CTSE: variants seen among roughly 807,000 people sequenced by gnomAD.
CTSE encodes erythrocyte membrane aspartic proteinase.
CTSE carries 43 observed loss-of-function variants against 42.8 expected under a neutral mutation model. The observed-to-expected ratio is 1.01, with a 90% CI of 0.79 to 1.30. The LOEUF (loss-of-function observed/expected upper bound fraction) is 1.30. CTSE is among the 50% of genes most tolerant of loss of function. The pLI is 0.00. For synonymous variants in CTSE, 205 were observed against 191.5 expected (o/e 1.07, Z -0.58); for missense variants, 532 against 493.5 (o/e 1.08, Z -0.74).
At chr1:206,020,146 A>C (rs890719943) in intron 4 of CTSE, among the ~76,000 whole-genome samples, 3 of 147,648 alleles carry the variant, frequency 2.0e-5, no homozygotes, top group Non-Finnish European at 4.5e-5. Flanking sequence ...ATACAAATAT[A>C]CTGTATATTA....
rs781857670 is a variant in CTSE at position 206,012,325 on chromosome 1, T to A, written c.1009A>T (p.Thr337Ser). The A allele has an allele frequency of 6.2e-7, 1 of 1,613,688 alleles. No individual in the cohort carries two copies. The highest frequency in any genetic ancestry group is 8.5e-7 in the Non-Finnish European group (1 of 1,179,654). Residue 337 changes from threonine (T) to serine (S), a missense_variant, in exon 8 of 9, where the codon ACT (threonine) becomes TCT (serine). Physicochemically the swap from Thr to Ser is moderately conservative, Grantham distance 58. Coordinates refer to ENST00000358184, the MANE Select transcript of CTSE (RefSeq NM_001910.4). ...INGVPYTLSP[T>S]AYTLLDFVDG... Reference sequence around the variant, plus strand: ...GTTCTTACCAGTAGGGTGTAGGCAGTTGGGCTGAGGGTATAGGGGACTCCG... The same window carrying A: ...GTTCTTACCAGTAGGGTGTAGGCAGATGGGCTGAGGGTATAGGGGACTCCG...
chr1:206,009,798 GTGT>G lies in CTSE; in HGVS notation c.*382_*384del. ...GCAGTGTAGATAAACAGGCCTGGCC[GTGT>G]GTGGATGGGTTGTCAGGGCTGAGTG... On this transcript the variant is annotated 3_prime_UTR_variant, in exon 9 of 9. Coordinates refer to ENST00000358184, the MANE Select transcript of CTSE (RefSeq NM_001910.4). 1.2e-5 allele frequency: 3 copies of G among 241,256 alleles called. No individual in the cohort carries two copies. Among genetic ancestry groups the G allele is most frequent in the East Asian group, 1.1e-4 (1 of 9,238 alleles). The allele number at this position is 241,256 out of a possible 1,614,324, so 14.9% of individuals were successfully genotyped here.
intron 4 of CTSE, among the ~76,000 whole-genome samples, chr1:206,019,361 C>A (rs138681903): frequency 6.6e-6 from 1 of 151,884 alleles, no homozygotes. Flanking sequence ...GGACTGGAAC[C>A]CACATTGTTC....
At chr1:206,013,981 T>C in intron 5 of CTSE, 87 bp from the exon 6 acceptor site, 1 of 1,454,272 alleles carries the variant, frequency 6.9e-7, no homozygotes, top group Non-Finnish European at 9.5e-7. Context: ...TGCTTCTTGG[T>C]CTCATGCCAA....
chr1:206,020,443 A>G (rs1363319627), intron 4 of CTSE, among the ~76,000 whole-genome samples: 1 of 152,018 alleles, frequency 6.6e-6, no homozygotes, highest in Non-Finnish European at 1.5e-5. Context: ...AGGCCCAGGC[A>G]TATATTGCTG....
intron 4 of CTSE, among the ~76,000 whole-genome samples, chr1:206,020,181 A>ATATTATATATTATATATGTAATG (rs1416914511): frequency 1.3e-5 from 2 of 148,244 alleles, no homozygotes; most frequent in Non-Finnish European, 3.0e-5. Flanking sequence ...TGGATATTAT[A>ATATTATATATTATATATGTAATG]TATTATATAT....
At chr1:206,021,343 C>T in intron 3 of CTSE, 176 bp from the exon 4 acceptor site, 2 of 608,684 alleles carry the variant, frequency 3.3e-6, no homozygotes, top group Non-Finnish European at 2.9e-6. Flanking sequence ...TTCCCTCTAG[C>T]TACAGATGTG....
Position 206,021,065 on chromosome 1 carries a change from C to G in CTSE, c.446G>C (p.Gly149Ala), listed in dbSNP as rs1420472788. Residue 149 changes from glycine to alanine, a missense_variant, in exon 4 of 9, where the codon GGA becomes GCA. Physicochemically the swap from Gly to Ala is moderately conservative, Grantham distance 60. Transcript: ENST00000358184. ...YGTGSLSGII[G>A]ADQVSVEGLT... is the part of the protein sequence containing the mutation. ...TGCACTCACAGAGACTTGGTCGGCTCCAATGATCCCGGACAAGCTCCCGGT... is the reference window on the plus strand; with the variant it reads ...TGCACTCACAGAGACTTGGTCGGCTGCAATGATCCCGGACAAGCTCCCGGT... The G allele has an allele frequency of 6.2e-7, 1 of 1,611,316 alleles. No individual in the cohort carries two copies. The highest frequency in any genetic ancestry group is 8.5e-7 in the Non-Finnish European group (1 of 1,177,594).
chr1:206,016,213 G>GA, intron 4 of CTSE, 83 bp from the exon 5 acceptor site: 2 of 1,303,870 alleles, frequency 1.5e-6, no homozygotes, highest in South Asian at 2.5e-5. Context: ...ATTTTCCTCT[G>GA]TCTTGAAGCT....
rs782358758 is a variant in CTSE, at chr1:206,015,965, C to G, written c.628G>C (p.Val210Leu). The change falls in exon 5 of 9, where the codon GTG (valine) becomes CTG (leucine). Residue 210 changes from valine (V) to leucine (L), a missense_variant. By Grantham distance (32) the Val-to-Leu change is conservative. Transcript: ENST00000358184. ...TAGACAGAAAACATCGGCAAGTCCA[C>G]CAGGTTCTGAGCCATCATGTTGTCA... ...VFDNMMAQNL[V>L]DLPMFSVYMS... is the part of the protein sequence containing the mutation. The G allele has an allele frequency of 1.2e-6, 2 of 1,613,890 alleles. No individual in the cohort carries two copies. The highest frequency in any genetic ancestry group is 1.7e-6 in the Non-Finnish European group (2 of 1,179,900).
chr1:206,014,487 C>G (rs1661209100), intron 5 of CTSE, among the ~76,000 whole-genome samples: 1 of 151,980 alleles, frequency 6.6e-6, no homozygotes, highest in Admixed American at 6.5e-5. Context: ...AGATACAAAA[C>G]TGAAATCAGG....
chr1:206,022,212 A>G lies in CTSE; in HGVS notation c.281T>C (p.Ile94Thr). ...GAGGTTGGAGGAGCCAGTGTCGAAGATGACAGTGAAGTTCTGTGGTGGGGA... is the reference window on the plus strand; with the variant it reads ...GAGGTTGGAGGAGCCAGTGTCGAAGGTGACAGTGAAGTTCTGTGGTGGGGA... ...IGSPPQNFTV[I>T]FDTGSSNLWV... is the part of the protein sequence containing the mutation. Residue 94 changes from isoleucine to threonine, a missense_variant, in exon 3 of 9, where the codon ATC (isoleucine) becomes ACC (threonine). Ile to Thr is a moderately conservative substitution (Grantham distance 89). Coordinates refer to ENST00000358184, the MANE Select transcript of CTSE (RefSeq NM_001910.4). 3 of 1,613,348 alleles carry G rather than the reference A, an allele frequency of 1.9e-6. No homozygotes were observed. Among genetic ancestry groups the G allele is most frequent in the Non-Finnish European group, 2.5e-6 (3 of 1,179,502 alleles).
At position 206,023,073 on chromosome 1, in the gene CTSE, C is replaced by T. The variant is rs376628919; in HGVS notation, c.69-16G>A. The T allele has an allele frequency of 1.8e-4, 286 of 1,577,896 alleles. 1 individual carries two copies. The highest frequency in any genetic ancestry group is 2.3e-4 in the Non-Finnish European group (270 of 1,156,964). On this transcript the variant is annotated splice_polypyrimidine_tract_variant and intron_variant, in intron 1 of 8. Coordinates refer to ENST00000358184, the MANE Select transcript of CTSE (RefSeq NM_001910.4). ...GAGGGGCACCCTGGAGACAAACCCC[C>T]ATGTAAGCAGGAGATGTACTTCTGC...
At position 206,009,877 on chromosome 1, in the gene CTSE, G is replaced by A; in HGVS notation, c.*306C>T. Reference sequence around the variant, plus strand: ...ATGATCTCTGCTTGTGCATATGTTTGGAGATTTTCATAATCAAATGTGAAA... The same window carrying A: ...ATGATCTCTGCTTGTGCATATGTTTAGAGATTTTCATAATCAAATGTGAAA... On this transcript the variant is annotated 3_prime_UTR_variant, in exon 9 of 9. Transcript: ENST00000358184. 1 of 384,404 alleles carries A rather than the reference G, an allele frequency of 2.6e-6. No individual in the cohort carries two copies. Among genetic ancestry groups the A allele is most frequent in the South Asian group, 2.6e-5 (1 of 37,990 alleles). The allele number at this position is 384,404 out of a possible 1,614,324, so 23.8% of individuals were successfully genotyped here.
rs1553277709 is a variant in CTSE, at chr1:206,016,149, CAGG to C, written c.463-22_463-20del. The C allele has an allele frequency of 1.2e-6, 2 of 1,607,108 alleles. No individual in the cohort carries two copies. The highest frequency in any genetic ancestry group is 1.3e-5 in the African/African-American group (1 of 74,836). ...CTTCCACCTGGTAGGAGAAAGCCCA[CAGG>C]AGAACAGGAGAATGGCACAGGGGAT... On this transcript the variant is annotated intron_variant, in intron 4 of 8. Coordinates refer to ENST00000358184, the MANE Select transcript of CTSE (RefSeq NM_001910.4).
At position 206,023,049 on chromosome 1, in the gene CTSE, A is replaced by AG; in HGVS notation, c.76dup (p.Leu26ProfsTer19). 3 of 1,600,526 alleles carry AG rather than the reference A, an allele frequency of 1.9e-6. No individual in the cohort carries two copies. The highest frequency in any genetic ancestry group is 2.2e-5 in the South Asian group (2 of 90,846). ...CTTCTTGAGGGACGGATGCCTCCTG[A>AG]GGGGCACCCTGGAGACAAACCCCCA... On this transcript the variant is annotated frameshift_variant, in exon 2 of 9. Coordinates refer to ENST00000358184, the MANE Select transcript of CTSE (RefSeq NM_001910.4). LOFTEE classifies it high-confidence loss of function.
In CTSE at chr1:206,022,261, A is replaced by C. The variant is rs1397724163; in HGVS notation, c.232T>G (p.Tyr78Asp). ...GAGCCAATGGAGATAGTGCCGAAGT[A>C]TTCCATCTGCAAGGAAGAGTGAGAA... is the stretch of plus-strand genomic sequence containing the variant. The part of the protein sequence containing the change: ...EPLINYLDME[Y>D]FGTISIGSPP... Residue 78 changes from tyrosine (Y) to aspartate (D), a missense_variant, in exon 3 of 9, where the codon TAC becomes GAC. Tyr to Asp is a radical substitution (Grantham distance 160, BLOSUM62 -3). Coordinates refer to ENST00000358184, the MANE Select transcript of CTSE (RefSeq NM_001910.4). 5 of 1,605,598 alleles carry C rather than the reference A, an allele frequency of 3.1e-6. No homozygotes were observed. Among genetic ancestry groups the C allele is most frequent in the Non-Finnish European group, 4.3e-6 (5 of 1,173,412 alleles).
chr1:206,021,086 C>CATGGT lies in CTSE; in HGVS notation c.424_425insACCAT (p.Gly142AspfsTer19). On this transcript the variant is annotated frameshift_variant, in exon 4 of 9. Coordinates refer to ENST00000358184, the MANE Select transcript of CTSE (RefSeq NM_001910.4). LOFTEE classifies it high-confidence loss of function. ...GGCTCCAATGATCCCGGACAAGCTC[C>CATGGT]CGGTTCCATACTGAATGGAGAAAGA... The CATGGT allele has an allele frequency of 6.2e-7, 1 of 1,613,572 alleles. No homozygotes were observed.
chr1:206,012,506 A>T lies in CTSE; in HGVS notation c.927+2T>A. 1 of 1,613,920 alleles carries T rather than the reference A, an allele frequency of 6.2e-7. No individual in the cohort carries two copies. On this transcript the variant is annotated splice_donor_variant, in intron 7 of 8. Transcript: ENST00000358184. LOFTEE classifies it high-confidence loss of function. Reference sequence around the variant, plus strand: ...CACTCCCTTGCGCAGGCAGGCACTCACTTCTCCATCCACGGGGGCTGCCCC... The same window carrying T: ...CACTCCCTTGCGCAGGCAGGCACTCTCTTCTCCATCCACGGGGGCTGCCCC...
Sources: gnomAD v4.1 joint callset for allele counts (sites outside exome capture counted in the v4.1 genomes callset) on GRCh38, gnomAD v4.1.1 for gene constraint, MANE v1.5 for transcripts, NCBI Gene and HGNC (gene_info 2026-07-23, HGNC 2026-07-21) for gene names.